The following PAX3 variants were observed in gnomAD, a reference collection of about 807,000 sequenced individuals.
PAX3 encodes the protein paired box 3, also known as paired box protein Pax-3.
A neutral mutation model predicts 51.6 loss-of-function variants in PAX3; 14 were observed. The observed-to-expected ratio is 0.27, with a 90% CI of 0.18 to 0.42. The LOEUF (loss-of-function observed/expected upper bound fraction) is 0.42. Among genes scored for constraint, PAX3 ranks in the 10% least tolerant of loss-of-function variants. The pLI, the probability that PAX3 is intolerant of heterozygous loss-of-function variation, is 1.00. For synonymous variants in PAX3, 280 were observed against 253.4 expected (o/e 1.11, Z -1.00); for missense variants, 540 against 642.8 (o/e 0.84, Z 1.73).
At chr2:222,212,248 C>T (rs1014046548) in intron 7 of PAX3, among the ~76,000 whole-genome samples, 4 of 152,010 alleles carry the variant, frequency 2.6e-5, no homozygotes, top group Non-Finnish European at 4.4e-5. Context: ...ATTTTTTTAA[C>T]GCAATCTGCC....
At chr2:222,260,015 C>T (rs1693780325) in intron 4 of PAX3, among the ~76,000 whole-genome samples, 1 of 151,834 alleles carries the variant, frequency 6.6e-6, no homozygotes, top group South Asian at 2.1e-4. Flanking sequence ...ACTATAGGCA[C>T]ACACCACCGG....
chr2:222,295,619 T>C lies in PAX3; in HGVS notation c.360A>G (p.Glu120=). ...ACATGCCCGGGTTCTCTCTTTTGTA[T>C]TCCTCAATTTTCTTCTCCACGTCAG... ...TTPDVEKKIE[E]YKRENPGMFS... Residue 120 remains glutamate (E), a synonymous_variant, in exon 3 of 9, where the codon GAA becomes GAG. Transcript: ENST00000392070. 6.2e-7 allele frequency: 1 copy of C among 1,614,200 alleles called. No individual in the cohort carries two copies. Among genetic ancestry groups the C allele is most frequent in the Non-Finnish European group, 8.5e-7 (1 of 1,180,020 alleles).
At chr2:222,255,782 C>CTTTT (rs71781283) in intron 4 of PAX3, among the ~76,000 whole-genome samples, 5 of 136,514 alleles carry the variant, frequency 3.7e-5, no homozygotes, top group African/African-American at 1.4e-4. Context: ...CAATTATATT[C>CTTTT]TTTTTTTTTT....
intron 4 of PAX3, among the ~76,000 whole-genome samples, chr2:222,239,670 G>A (rs530787582): frequency 6.6e-6 from 1 of 152,114 alleles, no homozygotes; most frequent in Admixed American, 6.5e-5. Context: ...ATAAACAATT[G>A]TGAGTTGATA....
chr2:222,229,073 G>A (rs16863537), intron 5 of PAX3, among the ~76,000 whole-genome samples: 41 of 151,976 alleles, frequency 2.7e-4, no homozygotes, highest in African/African-American at 9.7e-4. Flanking sequence ...CATAACATTT[G>A]CAGGTAATTG....
At chr2:222,217,990 A>G (rs978388761) in intron 7 of PAX3, among the ~76,000 whole-genome samples, 6 of 152,178 alleles carry the variant, frequency 3.9e-5, no homozygotes, top group Admixed American at 3.9e-4. Context: ...TGAGGAAATA[A>G]GGAGGAATTT....
intron 4 of PAX3, among the ~76,000 whole-genome samples, chr2:222,248,443 C>T (rs1693306810): frequency 6.6e-6 from 1 of 152,198 alleles, no homozygotes; most frequent in African/African-American, 2.4e-5. Flanking sequence ...CTGAACCTCA[C>T]AGCCATCAAT....
chr2:222,254,625 A>G (rs190509069), intron 4 of PAX3, among the ~76,000 whole-genome samples: 3 of 152,320 alleles, frequency 2.0e-5, no homozygotes, highest in African/African-American at 7.2e-5. Flanking sequence ...TAGAACTACC[A>G]AAAGATCCCT....
intron 7 of PAX3, among the ~76,000 whole-genome samples, chr2:222,217,331 C>G (rs904004134): frequency 3.3e-5 from 5 of 152,258 alleles, no homozygotes; most frequent in African/African-American, 1.2e-4. Flanking sequence ...AAACTAGTCT[C>G]TACTAAATTA....
intron 7 of PAX3, among the ~76,000 whole-genome samples, chr2:222,215,132 G>A (rs1270956237): frequency 2.0e-5 from 3 of 152,044 alleles, no homozygotes; most frequent in Non-Finnish European, 2.9e-5. Context: ...ATGAATGTAG[G>A]AAAGGCTCAG....
At chr2:222,202,663 AT>A (rs1260848189) in intron 7 of PAX3, among the ~76,000 whole-genome samples, 2 of 149,918 alleles carry the variant, frequency 1.3e-5, no homozygotes, top group Non-Finnish European at 3.0e-5. Flanking sequence ...AAATCAAGTT[AT>A]TTTTCATGTA....
At chr2:222,251,615 G>A (rs1296447119) in intron 4 of PAX3, among the ~76,000 whole-genome samples, 2 of 152,090 alleles carry the variant, frequency 1.3e-5, no homozygotes, top group Admixed American at 6.6e-5. Context: ...AATCCTTTGG[G>A]TATATACTCA....
intron 4 of PAX3, among the ~76,000 whole-genome samples, chr2:222,292,022 T>TGTG: frequency 9.5e-6 from 1 of 105,552 alleles, no homozygotes; most frequent in South Asian, 3.0e-4. Context: ...GTGTGTGTGT[T>TGTG]TCCAACAGCA....
intron 4 of PAX3, among the ~76,000 whole-genome samples, chr2:222,237,126 C>G (rs951172638): frequency 3.9e-5 from 6 of 152,052 alleles, no homozygotes; most frequent in Non-Finnish European, 8.8e-5. Flanking sequence ...TCCCTTCCCC[C>G]CTAACTTCAC....
At position 222,293,835 on chromosome 2, in the gene PAX3, C is replaced by T. The variant is rs187795109; in HGVS notation, c.586+332G>A. The T allele has an allele frequency of 6.2e-4, 1,006 of 1,613,560 alleles. 6 individuals are homozygous for T. Among genetic ancestry groups the T allele is most frequent in the Middle Eastern group, 3.5e-4 (2 of 5,748 alleles). Reference sequence around the variant, plus strand: ...CCGGCCCTACAATTGCTCAGAGATGCCCAGTCTCATACATTTAATGGCAAC... The same window carrying T: ...CCGGCCCTACAATTGCTCAGAGATGTCCAGTCTCATACATTTAATGGCAAC... On this transcript the variant is annotated intron_variant, in intron 4 of 8. Transcript: ENST00000392070.
intron 4 of PAX3, among the ~76,000 whole-genome samples, chr2:222,271,433 A>G (rs1465875097): frequency 4.6e-5 from 7 of 152,216 alleles, no homozygotes; most frequent in Non-Finnish European, 1.0e-4. Context: ...CATCCCAAAC[A>G]TAGTAATAAT....
At chr2:222,223,829 T>C (rs1692287451) in intron 5 of PAX3, among the ~76,000 whole-genome samples, 1 of 152,186 alleles carries the variant, frequency 6.6e-6, no homozygotes, top group East Asian at 1.9e-4. Context: ...CTCAGAAAGG[T>C]ACGCTTCGGT....
chr2:222,276,555 G>A (rs147549832), intron 4 of PAX3, among the ~76,000 whole-genome samples: 200 of 152,320 alleles, frequency 1.3e-3, no homozygotes, highest in African/African-American at 4.4e-3. Flanking sequence ...TGGGGCCACA[G>A]CTGCCACAGC....
In PAX3 at chr2:222,249,387, C is replaced by A. The variant is rs570163907; in HGVS notation, c.587-17104G>T. Among the ~76,000 whole-genome samples, 9 of 152,232 alleles carry A rather than the reference C, an allele frequency of 5.9e-5. No individual in the cohort carries two copies. In the South Asian group the frequency reaches 6.2e-4, roughly 11 times the overall value. Reference sequence around the variant, plus strand: ...GCTCAGACCCTTTCCTTGAGTAAATCTTTCCTTTTCCCATTTTCATCTTCA... The same window carrying A: ...GCTCAGACCCTTTCCTTGAGTAAATATTTCCTTTTCCCATTTTCATCTTCA... On this transcript the variant is annotated intron_variant, in intron 4 of 8. Coordinates refer to ENST00000392070, the MANE Select transcript of PAX3 (RefSeq NM_181458.4).
Sources: allele counts gnomAD v4.1 joint callset (sites outside exome capture counted in the v4.1 genomes callset), GRCh38; gene constraint gnomAD v4.1.1; transcripts MANE v1.5; gene names NCBI Gene and HGNC (gene_info 2026-07-23, HGNC 2026-07-21).